Variants in PPM1L observed in about 807,000 individuals in gnomAD.
PPM1L encodes the protein protein phosphatase, Mg2+/Mn2+ dependent 1L.
PPM1L carries 13 observed loss-of-function variants against 31.4 expected under a neutral mutation model. The ratio of observed to expected loss-of-function variants is 0.41; its 90% confidence interval spans 0.27 to 0.66. PPM1L has a LOEUF of 0.66. PPM1L is among the 30% of genes least tolerant of loss of function. The probability of loss-of-function intolerance (pLI) is 0.29; values close to 1 mark genes in which losing one functional copy is unlikely to be tolerated. For synonymous variants in PPM1L, 184 were observed against 175.4 expected (o/e 1.05, Z -0.39); for missense variants, 326 against 453.7 (o/e 0.72, Z 2.56).
intron 1 of PPM1L, among the ~76,000 whole-genome samples, chr3:160,886,006 C>T (rs1712904295): frequency 6.6e-6 from 1 of 152,206 alleles, no homozygotes; most frequent in Non-Finnish European, 1.5e-5. Context: ...CCACACTTTG[C>T]TTTTCCCCTG....
chr3:160,834,981 G>A (rs75148225), intron 1 of PPM1L, among the ~76,000 whole-genome samples: 2,191 of 151,812 alleles, frequency 0.014, 58 homozygotes, highest in African/African-American at 0.051. Context: ...GGTAAGTAGC[G>A]TTTAGTCTTA....
intron 1 of PPM1L, among the ~76,000 whole-genome samples, chr3:160,897,151 G>A (rs927435431): frequency 2.0e-5 from 3 of 149,210 alleles, no homozygotes; most frequent in African/African-American, 4.9e-5. Flanking sequence ...CAAGTGATTC[G>A]CCTGCCTCAG....
intron 2 of PPM1L, among the ~76,000 whole-genome samples, chr3:161,028,687 T>A (rs368641577): frequency 1.3e-5 from 2 of 152,096 alleles, no homozygotes; most frequent in South Asian, 4.2e-4. Context: ...CTACCACCCC[T>A]CCCCTATGAA....
intron 1 of PPM1L, among the ~76,000 whole-genome samples, chr3:160,898,839 C>T (rs1000794179): frequency 1.3e-5 from 2 of 152,122 alleles, no homozygotes; most frequent in African/African-American, 4.8e-5. Flanking sequence ...TTCATAGCAA[C>T]GTTACAGAAT....
chr3:160,928,311 G>A (rs752393919), intron 1 of PPM1L, among the ~76,000 whole-genome samples: 4 of 152,148 alleles, frequency 2.6e-5, no homozygotes, highest in South Asian at 2.1e-4. Flanking sequence ...GCAACAGACT[G>A]CACACCCATC....
intron 2 of PPM1L, among the ~76,000 whole-genome samples, chr3:161,010,658 T>C (rs1717863728): frequency 6.6e-6 from 1 of 152,220 alleles, no homozygotes; most frequent in Non-Finnish European, 1.5e-5. Flanking sequence ...AAAGTGTTCC[T>C]ATTTCTCCAC....
rs1559896762 is a variant in PPM1L, at chr3:160,944,784, T to TATATGTTATATATAACATATATAAC, written c.400-16948_400-16947insGTTATATATAACATATATAACATAT. On this transcript the variant is annotated intron_variant, in intron 1 of 3. Coordinates refer to ENST00000498165, the MANE Select transcript of PPM1L (RefSeq NM_139245.4). Reference sequence around the variant, plus strand: ...ATATATAACATGTTATATATTATATTATATATGTTATATATAACATATATA... The same window carrying TATATGTTATATATAACATATATAAC: ...ATATATAACATGTTATATATTATATTATATGTTATATATAACATATATAACATATATGTTATATATAACATATATA... Among the ~76,000 whole-genome samples, 42 of 43,908 alleles carry TATATGTTATATATAACATATATAAC rather than the reference T, an allele frequency of 9.6e-4. 3 individuals carry two copies. Among genetic ancestry groups the TATATGTTATATATAACATATATAAC allele is most frequent in the African/African-American group, 3.0e-3 (42 of 13,928 alleles). 28.8% of individuals were successfully genotyped at this position (43,908 alleles called of 152,430 possible). A position where few individuals can be genotyped will look rare whatever the true frequency, so the allele number is the denominator to read the frequency against.
intron 1 of PPM1L, among the ~76,000 whole-genome samples, chr3:160,919,198 A>G (rs1459055174): frequency 6.6e-6 from 1 of 152,206 alleles, no homozygotes; most frequent in Non-Finnish European, 1.5e-5. Flanking sequence ...AGGTATTTTA[A>G]TGGTCTTTGA....
At chr3:160,797,578 C>A (rs1300179805) in intron 1 of PPM1L, among the ~76,000 whole-genome samples, 1 of 152,150 alleles carries the variant, frequency 6.6e-6, no homozygotes, top group Admixed American at 6.5e-5. Flanking sequence ...GCTCTTGCAA[C>A]AGACAGCCAA....
chr3:161,040,645 A>G (rs1336205601), intron 2 of PPM1L, among the ~76,000 whole-genome samples: 1 of 152,190 alleles, frequency 6.6e-6, no homozygotes, highest in Admixed American at 6.5e-5. Context: ...TGAACATTCT[A>G]AAGTCAGAGT....
intron 1 of PPM1L, among the ~76,000 whole-genome samples, chr3:160,929,306 C>T (rs1714705414): frequency 6.6e-6 from 1 of 152,154 alleles, no homozygotes; most frequent in Admixed American, 6.5e-5. Context: ...TGGAAATTAT[C>T]AGAGTAGAAT....
intron 1 of PPM1L, among the ~76,000 whole-genome samples, chr3:160,898,201 G>A (rs1713413278): frequency 6.6e-6 from 1 of 152,172 alleles, no homozygotes; most frequent in African/African-American, 2.4e-5. Context: ...AATGCTGGAT[G>A]ACATATTAAA....
chr3:160,834,913 G>A (rs78601251), intron 1 of PPM1L, among the ~76,000 whole-genome samples: 4,937 of 151,996 alleles, frequency 0.032, 241 homozygotes, highest in African/African-American at 0.11. Context: ...GTTTAGTGTC[G>A]ACATAGGTTT....
intron 2 of PPM1L, among the ~76,000 whole-genome samples, chr3:160,974,774 C>T: frequency 7.0e-6 from 1 of 142,100 alleles, no homozygotes. Context: ...GGATATTAGC[C>T]CTTTGTCAGA....
At chr3:160,909,226 G>A (rs1419846356) in intron 1 of PPM1L, among the ~76,000 whole-genome samples, 1 of 152,180 alleles carries the variant, frequency 6.6e-6, no homozygotes, top group Non-Finnish European at 1.5e-5. Flanking sequence ...TAGGAGGAAT[G>A]AGGAGGAATT....
intron 2 of PPM1L, among the ~76,000 whole-genome samples, chr3:161,057,771 GC>G (rs750102579): frequency 6.6e-6 from 1 of 151,774 alleles, no homozygotes; most frequent in Non-Finnish European, 1.5e-5. Flanking sequence ...TTTGTCACAA[GC>G]CCCCCCGACT....
chr3:160,976,791 T>C (rs541486266), intron 2 of PPM1L, among the ~76,000 whole-genome samples: 1 of 152,320 alleles, frequency 6.6e-6, no homozygotes, highest in Non-Finnish European at 1.5e-5. Flanking sequence ...CTGCTAGCGG[T>C]CTATCAGTTT....
intron 1 of PPM1L, among the ~76,000 whole-genome samples, chr3:160,787,536 C>A (rs1307868789): frequency 7.2e-5 from 11 of 151,926 alleles, no homozygotes; most frequent in Admixed American, 4.6e-4. Flanking sequence ...TTTCTCCCAT[C>A]CCATAGGTTG....
chr3:160,784,408 G>A lies in PPM1L; in HGVS notation c.399+27701G>A, dbSNP rs1024077294. 2.0e-5 allele frequency among the ~76,000 whole-genome samples: 3 copies of A among 152,176 alleles called. No homozygotes were observed. In the East Asian group the frequency reaches 5.8e-4, roughly 29 times the overall value. ...CCAAGCAAATCATCTTCTACCATATGAATAGTTAATCAGGAATAAGAGTTT... is the reference window on the plus strand; with the variant it reads ...CCAAGCAAATCATCTTCTACCATATAAATAGTTAATCAGGAATAAGAGTTT... On this transcript the variant is annotated intron_variant, in intron 1 of 3. Coordinates refer to ENST00000498165, the MANE Select transcript of PPM1L (RefSeq NM_139245.4).
Sources: gnomAD v4.1 joint callset for allele counts (sites outside exome capture counted in the v4.1 genomes callset) on GRCh38, gnomAD v4.1.1 for gene constraint, MANE v1.5 for transcripts, NCBI Gene and HGNC (gene_info 2026-07-23, HGNC 2026-07-21) for gene names.